Variants in ITGA6 observed in about 807,000 individuals in gnomAD.
ITGA6 encodes the protein integrin alpha-6.
ITGA6 carries 63 observed loss-of-function variants against 133.6 expected under a neutral mutation model. That is an observed-to-expected ratio of 0.47 (90% confidence interval 0.38 to 0.58). The LOEUF (loss-of-function observed/expected upper bound fraction) is 0.58, where lower values mean the gene tolerates loss of function less well. Ranked by LOEUF, ITGA6 falls within the 20% of genes least tolerant of loss-of-function variation. The probability of loss-of-function intolerance (pLI) is 0.00; values close to 1 mark genes in which losing one functional copy is unlikely to be tolerated. For synonymous variants in ITGA6, 434 were observed against 482.0 expected (o/e 0.90, Z 1.30); for missense variants, 1,068 against 1,309.4 (o/e 0.82, Z 2.85).
chr2:172,482,862 C>T, intron 11 of ITGA6, among the ~76,000 whole-genome samples: 1 of 143,820 alleles, frequency 7.0e-6, no homozygotes, highest in South Asian at 2.2e-4. Flanking sequence ...AAGAATGTCA[C>T]ATCGTGTGTG....
intron 23 of ITGA6, among the ~76,000 whole-genome samples, chr2:172,496,155 T>C (rs1218322946): frequency 6.6e-6 from 1 of 152,266 alleles, no homozygotes; most frequent in Non-Finnish European, 1.5e-5. Flanking sequence ...ATTCTATTGC[T>C]TCACTGGTCT....
Position 172,505,847 on chromosome 2 carries a change from T to TAACA in ITGA6, c.*1780_*1783dup, listed in dbSNP as rs1687538765. 1 of 152,608 alleles carries TAACA rather than the reference T, an allele frequency of 6.6e-6. No homozygotes were observed. The highest frequency in any genetic ancestry group is 2.1e-4 in the South Asian group (1 of 4,836). The allele number at this position is 152,608 out of a possible 1,614,324, so 9.5% of individuals were successfully genotyped here. ...ACAAAAATTTCTGTAAAACAGGTTA[T>TAACA]AACAGTGTTTAAAGTCTCAGTTTCT... is the stretch of plus-strand genomic sequence containing the variant. On this transcript the variant is annotated 3_prime_UTR_variant, in exon 26 of 26. Transcript: ENST00000684293.
In ITGA6 at chr2:172,485,207, A is replaced by C. The variant is rs779673492; in HGVS notation, c.1797A>C (p.Ser599=). The part of the protein sequence containing the change: ...QEPSSRRRVN[S]LPEVLPILNS... The stretch of plus-strand genomic sequence containing the variant: ...CAAGCTCTCGTAGGCGAGTGAATTC[A>C]CTTCCAGAAGTTCTTCCAATTCTGA... Residue 599 remains serine, a synonymous_variant, in exon 13 of 26, where the codon TCA becomes TCC. Coordinates refer to ENST00000684293, the MANE Select transcript of ITGA6 (RefSeq NM_000210.4). 3.1e-6 allele frequency: 5 copies of C among 1,613,950 alleles called. No individual in the cohort carries two copies. Among genetic ancestry groups the C allele is most frequent in the Non-Finnish European group, 4.2e-6 (5 of 1,179,888 alleles).
chr2:172,456,319 C>A (rs1685206499), intron 1 of ITGA6, among the ~76,000 whole-genome samples: 1 of 152,200 alleles, frequency 6.6e-6, no homozygotes, highest in Admixed American at 6.5e-5. Context: ...CAAAATAACT[C>A]ACCTGTGCCT....
At chr2:172,472,505 T>A (rs1685985427) in intron 5 of ITGA6, among the ~76,000 whole-genome samples, 1 of 152,246 alleles carries the variant, frequency 6.6e-6, no homozygotes, top group African/African-American at 2.4e-5. Context: ...TTAGAATGGA[T>A]TTCCTCAAAA....
chr2:172,494,668 C>T (rs1353646972), intron 23 of ITGA6, among the ~76,000 whole-genome samples: 3 of 152,198 alleles, frequency 2.0e-5, no homozygotes, highest in Non-Finnish European at 4.4e-5. Context: ...CACATGTATG[C>T]CTTCCCTGTG....
chr2:172,484,434 G>GGAGTGTTGGGTTCCTCTGCTTATTGTTA (rs1686578428), intron 11 of ITGA6, among the ~76,000 whole-genome samples: 1 of 151,624 alleles, frequency 6.6e-6, no homozygotes, highest in Non-Finnish European at 1.5e-5. Flanking sequence ...GGTGCTCGGG[G>GGAGTGTTGGGTTCCTCTGCTTATTGTTA]GAGTGTTGGG....
chr2:172,445,351 T>TTTTA (rs1684716583), intron 1 of ITGA6, among the ~76,000 whole-genome samples: 1 of 134,728 alleles, frequency 7.4e-6, no homozygotes, highest in Non-Finnish European at 1.6e-5. Context: ...TTTTTTTTTT[T>TTTTA]AACAAAAAAA....
At chr2:172,459,783 C>T (rs1389576747) in intron 1 of ITGA6, among the ~76,000 whole-genome samples, 1 of 152,122 alleles carries the variant, frequency 6.6e-6, no homozygotes, top group East Asian at 1.9e-4. Context: ...TCCAGTTACC[C>T]CAGGATAGCC....
intron 1 of ITGA6, among the ~76,000 whole-genome samples, chr2:172,462,082 G>T (rs1685448647): frequency 6.6e-6 from 1 of 152,216 alleles, no homozygotes; most frequent in African/African-American, 2.4e-5. Flanking sequence ...TGAGGATGAA[G>T]GCGCCTCCAG....
chr2:172,480,139 T>C lies in ITGA6; in HGVS notation c.1549+88T>C, dbSNP rs150773991. On this transcript the variant is annotated intron_variant, in intron 11 of 25. Coordinates refer to ENST00000684293, the MANE Select transcript of ITGA6 (RefSeq NM_000210.4). ...AAATCACAGAAAAATAAAACTGCAG[T>C]GGCCAACATGGGTCTGTCAATTCTG... 1,291 of 773,542 alleles carry C rather than the reference T, an allele frequency of 1.7e-3. 8 individuals carry two copies. Among genetic ancestry groups the C allele is most frequent in the African/African-American group, 0.015 (907 of 58,956 alleles). The allele number at this position is 773,542 out of a possible 1,614,324, so 47.9% of individuals were successfully genotyped here. A position where few individuals can be genotyped will look rare whatever the true frequency, so the allele number is the denominator to read the frequency against.
intron 1 of ITGA6, among the ~76,000 whole-genome samples, chr2:172,447,652 G>A (rs1427716177): frequency 6.6e-6 from 1 of 152,070 alleles, no homozygotes; most frequent in Non-Finnish European, 1.5e-5. Context: ...TTTCCTTGAG[G>A]TTATTGAAAT....
chr2:172,428,976 C>T (rs1156512963), intron 1 of ITGA6, among the ~76,000 whole-genome samples: 1 of 152,212 alleles, frequency 6.6e-6, no homozygotes, highest in Non-Finnish European at 1.5e-5. Context: ...AACAAAAGGT[C>T]TCCCCTCCCC....
At chr2:172,442,873 T>C (rs546133491) in intron 1 of ITGA6, among the ~76,000 whole-genome samples, 31 of 152,158 alleles carry the variant, frequency 2.0e-4, no homozygotes, top group Middle Eastern at 3.4e-3. Context: ...TTGTGGGCGC[T>C]GATTTTTTTT....
At chr2:172,436,067 G>A (rs923776447) in intron 1 of ITGA6, among the ~76,000 whole-genome samples, 4 of 152,158 alleles carry the variant, frequency 2.6e-5, no homozygotes, top group Non-Finnish European at 2.9e-5. Context: ...CTAGGCCCAG[G>A]TACCGACTTA....
At chr2:172,494,193 T>C (rs1559154836) in intron 23 of ITGA6, among the ~76,000 whole-genome samples, 1 of 152,188 alleles carries the variant, frequency 6.6e-6, no homozygotes, top group Non-Finnish European at 1.5e-5. Flanking sequence ...AAAAAAACTT[T>C]TTTGTTTCTT....
intron 1 of ITGA6, among the ~76,000 whole-genome samples, chr2:172,451,837 C>T (rs1685015840): frequency 6.6e-6 from 1 of 152,072 alleles, no homozygotes; most frequent in Non-Finnish European, 1.5e-5. Context: ...GCCACTTTCA[C>T]TGTCTGCTGC....
At position 172,479,886 on chromosome 2, in the gene ITGA6, G is replaced by A. The variant is rs1193336537; in HGVS notation, c.1488-104G>A. 18 of 1,057,434 alleles carry A rather than the reference G, an allele frequency of 1.7e-5. 1 individual carries two copies. Among genetic ancestry groups the A allele is most frequent in the Non-Finnish European group, 2.5e-5 (17 of 674,168 alleles). 65.5% of individuals were successfully genotyped at this position (1,057,434 alleles called of 1,614,324 possible). On this transcript the variant is annotated intron_variant, in intron 10 of 25. Coordinates refer to ENST00000684293, the MANE Select transcript of ITGA6 (RefSeq NM_000210.4). ...CTGTCAAGTGTTTTTATAACATGTTGATCATCAATGGGCATTGGGGGGATT... is the reference window on the plus strand; with the variant it reads ...CTGTCAAGTGTTTTTATAACATGTTAATCATCAATGGGCATTGGGGGGATT...
At chr2:172,449,843 C>G (rs1375776688) in intron 1 of ITGA6, among the ~76,000 whole-genome samples, 6 of 150,388 alleles carry the variant, frequency 4.0e-5, no homozygotes, top group Admixed American at 4.0e-4. Flanking sequence ...ATTGCTTGAA[C>G]CCGGGAGGCA....
Sources: allele counts gnomAD v4.1 joint callset (sites outside exome capture counted in the v4.1 genomes callset), GRCh38; gene constraint gnomAD v4.1.1; transcripts MANE v1.5; gene names NCBI Gene and HGNC (gene_info 2026-07-23, HGNC 2026-07-21).